ANXA2: variants seen among roughly 807,000 people sequenced by gnomAD.
The protein encoded by ANXA2 is annexin II.
A neutral mutation model predicts 47.3 loss-of-function variants in ANXA2; 28 were observed. The ratio of observed to expected loss-of-function variants is 0.59; its 90% CI spans 0.44 to 0.81. The LOEUF is 0.81. Ranked by LOEUF, ANXA2 falls within the 40% of genes least tolerant of loss-of-function variation. The pLI, the probability that ANXA2 is intolerant of heterozygous loss-of-function variation, is 0.00. For synonymous variants in ANXA2, 172 were observed against 155.5 expected, an observed-to-expected ratio of 1.11 and a Z score of -0.79; for missense variants, 384 against 414.3, an observed-to-expected ratio of 0.93 and a Z score of 0.64.
chr15:60,395,841 A>C (rs1221405179), intron 1 of ANXA2: 1 of 152,218 alleles, frequency 6.6e-6, no homozygotes, highest in Admixed American at 6.5e-5. Context: ...TCCAATTGTA[A>C]AAATGCACAT....
At chr15:60,379,792 G>A (rs555292185) in intron 3 of ANXA2, among the ~76,000 whole-genome samples, 2 of 152,228 alleles carry the variant, frequency 1.3e-5, no homozygotes, top group South Asian at 2.1e-4. Context: ...CTGGAATGTC[G>A]GAATCTAAAT....
chr15:60,370,272 G>T (rs148815752), intron 3 of ANXA2, among the ~76,000 whole-genome samples: 96 of 152,300 alleles, frequency 6.3e-4, no homozygotes, highest in Non-Finnish European at 1.2e-3. Context: ...TCTGCCAGCA[G>T]AAGATTCCCC....
intron 11 of ANXA2, 23 bp downstream of exon 11, chr15:60,351,170 C>G (rs1895991144): frequency 6.2e-7 from 1 of 1,613,254 alleles, no homozygotes; most frequent in Non-Finnish European, 8.5e-7. Flanking sequence ...GGAAACACAG[C>G]TCTCTCAGCC....
intron 1 of ANXA2, among the ~76,000 whole-genome samples, chr15:60,391,628 C>A (rs955741463): frequency 6.6e-6 from 1 of 152,144 alleles, no homozygotes; most frequent in Non-Finnish European, 1.5e-5. Context: ...GCTCTGGAGG[C>A]AGAATTTTCT....
chr15:60,347,798 A>G, intron 12 of ANXA2, 109 bp from the exon 13 acceptor site: 1 of 988,504 alleles, frequency 1.0e-6, no homozygotes, highest in South Asian at 1.4e-5. Context: ...CATGACAAAG[A>G]GAAGACTCTG....
At chr15:60,357,600 T>C (rs1007681201) in intron 5 of ANXA2, among the ~76,000 whole-genome samples, 1 of 152,176 alleles carries the variant, frequency 6.6e-6, no homozygotes, top group Non-Finnish European at 1.5e-5. Context: ...AAGACCATTC[T>C]GGCTAACACA....
At chr15:60,375,171 A>G (rs1231255076) in intron 3 of ANXA2, among the ~76,000 whole-genome samples, 1 of 152,202 alleles carries the variant, frequency 6.6e-6, no homozygotes, top group East Asian at 1.9e-4. Flanking sequence ...TTTTAAAAGT[A>G]TAAGAAAAAA....
At chr15:60,387,763 T>A (rs541836944) in intron 1 of ANXA2, among the ~76,000 whole-genome samples, 2 of 152,316 alleles carry the variant, frequency 1.3e-5, no homozygotes, top group East Asian at 3.9e-4. Flanking sequence ...TGTAGGTTCA[T>A]CAGTTCTAAC....
chr15:60,390,332 T>C (rs2062991243), intron 1 of ANXA2: 1 of 943,858 alleles, frequency 1.1e-6, no homozygotes. Flanking sequence ...AAATAAAATA[T>C]GGCCACTTTC....
At chr15:60,359,365 T>C (rs1486834478) in intron 5 of ANXA2, among the ~76,000 whole-genome samples, 1 of 152,318 alleles carries the variant, frequency 6.6e-6, no homozygotes, top group South Asian at 2.1e-4. Context: ...GTGTTGATGG[T>C]CAGAAGAAAC....
intron 3 of ANXA2, among the ~76,000 whole-genome samples, chr15:60,370,615 AGGACTC>A (rs1409631503): frequency 6.6e-6 from 1 of 152,204 alleles, no homozygotes; most frequent in Non-Finnish European, 1.5e-5. Flanking sequence ...ATGCAACTGA[AGGACTC>A]GGACGGAACC....
At chr15:60,353,702 C>T (rs2062382557) in intron 8 of ANXA2, among the ~76,000 whole-genome samples, 1 of 152,126 alleles carries the variant, frequency 6.6e-6, no homozygotes. Flanking sequence ...AGTATGACAG[C>T]AGTGCAAGGT....
intron 1 of ANXA2, chr15:60,396,416 A>G (rs982182651): frequency 6.6e-6 from 1 of 152,264 alleles, no homozygotes; most frequent in Admixed American, 6.5e-5. Flanking sequence ...CGGAAGAGCC[A>G]GAAGAGCGTC....
chr15:60,354,709 T>G (rs1338940860), intron 7 of ANXA2, among the ~76,000 whole-genome samples: 1 of 150,722 alleles, frequency 6.6e-6, no homozygotes, highest in African/African-American at 2.4e-5. Context: ...AGCAAGGAAG[T>G]GGGGGCTGTG....
intron 1 of ANXA2, among the ~76,000 whole-genome samples, chr15:60,390,845 G>A (rs1054322233): frequency 3.3e-5 from 5 of 152,178 alleles, no homozygotes; most frequent in Admixed American, 2.0e-4. Context: ...TCGCTGGAAG[G>A]AACAGTTGGC....
intron 3 of ANXA2, among the ~76,000 whole-genome samples, chr15:60,366,746 C>T: frequency 7.8e-6 from 1 of 128,116 alleles, no homozygotes; most frequent in Admixed American, 7.5e-5. Context: ...CCGGCCGCCC[C>T]TACTGGGAAG....
In ANXA2 at chr15:60,354,370, G is replaced by A. The variant is rs532568503; in HGVS notation, c.529-157C>T. On this transcript the variant is annotated intron_variant, in intron 7 of 12. Transcript: ENST00000451270. ...TTGAAACATAGATGGGGCCGGGCAC[G>A]GTGGCTCACGCCTGTAATCCTAGGA... 1.6e-4 allele frequency among the ~76,000 whole-genome samples: 24 copies of A among 152,258 alleles called. No individual in the cohort carries two copies. In the South Asian group the frequency reaches 4.2e-3, roughly 26 times the overall value.
chr15:60,365,861 C>CCCCTCT (rs2062589127), intron 3 of ANXA2, among the ~76,000 whole-genome samples: 1 of 132,998 alleles, frequency 7.5e-6, no homozygotes, highest in Non-Finnish European at 1.6e-5. Context: ...CCTCCCCCTC[C>CCCCTCT]CCCTCCCTCT....
At chr15:60,351,033 T>G (rs1392460860) in intron 11 of ANXA2, among the ~76,000 whole-genome samples, 160 bp downstream of exon 11, 1 of 152,218 alleles carries the variant, frequency 6.6e-6, no homozygotes, top group African/African-American at 2.4e-5. Flanking sequence ...GATTTGTGGT[T>G]CTCTCAGCTG....
Sources: gnomAD v4.1 joint callset for allele counts (sites outside exome capture counted in the v4.1 genomes callset) on GRCh38, gnomAD v4.1.1 for gene constraint, MANE v1.5 for transcripts, NCBI Gene and HGNC (gene_info 2026-07-23, HGNC 2026-07-21) for gene names.